Variants in LRP2 observed in about 807,000 individuals in gnomAD.
LRP2 encodes the protein low-density lipoprotein receptor-related protein 2.
A neutral mutation model predicts 531.0 loss-of-function variants in LRP2; 172 were observed. The observed-to-expected ratio is 0.32, with a 90% CI of 0.29 to 0.37. The LOEUF is 0.37. LRP2 is among the 10% of genes least tolerant of loss of function. LRP2 has a pLI of 1.00. For missense variants in LRP2, 5,167 were observed against 5,868.3 expected, an observed-to-expected ratio of 0.88 and a Z score of 3.90; for synonymous variants, 1,992 against 2,027.6, an observed-to-expected ratio of 0.98 and a Z score of 0.47.
At chr2:169,294,483 A>G in intron 5 of LRP2, 117 bp downstream of exon 5, 3 of 846,814 alleles carry the variant, frequency 3.5e-6, no homozygotes, top group Non-Finnish European at 6.0e-6. Flanking sequence ...GCTGACTTCA[A>G]ACTACCAACA....
chr2:169,209,771 C>T (rs1225735543), intron 37 of LRP2, 130 bp from the exon 38 acceptor site: 2 of 908,162 alleles, frequency 2.2e-6, no homozygotes, highest in East Asian at 2.6e-5. Context: ...AAATGAAACC[C>T]TTTTTTCCCA....
chr2:169,128,759 C>T lies in LRP2; in HGVS notation c.13872G>A (p.Lys4624=). ...PPSPSLPAKP[K]PPSRRDPTPT... ...GAGTTGGGTCTCTTCTCGAAGGAGG[C>T]TTAGGCTTAGCAGGGAGCGAAGGTG... The change falls in exon 79 of 79, where the codon AAG becomes AAA. Residue 4624 remains lysine, a synonymous_variant. Coordinates refer to ENST00000649046, the MANE Select transcript of LRP2 (RefSeq NM_004525.3). 6.2e-7 allele frequency: 1 copy of T among 1,614,068 alleles called. No homozygotes were observed. The highest frequency in any genetic ancestry group is 8.5e-7 in the Non-Finnish European group (1 of 1,179,996).
intron 44 of LRP2, among the ~76,000 whole-genome samples, chr2:169,200,409 C>G (rs1182238360): frequency 6.6e-6 from 1 of 152,106 alleles, no homozygotes; most frequent in Admixed American, 6.6e-5. Flanking sequence ...GGATAAGTGG[C>G]TAATTCCAGG....
chr2:169,321,749 C>G (rs1001218865), intron 1 of LRP2, among the ~76,000 whole-genome samples: 2 of 151,886 alleles, frequency 1.3e-5, no homozygotes, highest in Non-Finnish European at 2.9e-5. Flanking sequence ...AAAAACAAAA[C>G]AAAACAAAAT....
chr2:169,207,364 T>C (rs1688434563), intron 38 of LRP2, 114 bp from the exon 39 acceptor site: 5 of 761,740 alleles, frequency 6.6e-6, no homozygotes, highest in Middle Eastern at 3.6e-4. Flanking sequence ...TCACTATATG[T>C]TGTCTTTTCC....
Position 169,231,847 on chromosome 2 carries a change from A to G in LRP2, c.5099-5T>C, listed in dbSNP as rs886055086. On this transcript the variant is annotated splice_region_variant and splice_polypyrimidine_tract_variant and intron_variant, in intron 30 of 78. Coordinates refer to ENST00000649046, the MANE Select transcript of LRP2 (RefSeq NM_004525.3). Reference sequence around the variant, plus strand: ...AAAAGGCACATGGATTCACGGCTGCATGAGAAAGAGAAGAAAGCACCAGTA... The same window carrying G: ...AAAAGGCACATGGATTCACGGCTGCGTGAGAAAGAGAAGAAAGCACCAGTA... 2 of 1,613,960 alleles carry G rather than the reference A, an allele frequency of 1.2e-6. No homozygotes were observed. The highest frequency in any genetic ancestry group is 1.7e-6 in the Non-Finnish European group (2 of 1,179,872).
At chr2:169,343,895 T>C (rs1032135967) in intron 1 of LRP2, among the ~76,000 whole-genome samples, 7 of 152,210 alleles carry the variant, frequency 4.6e-5, no homozygotes, top group Non-Finnish European at 8.8e-5. Context: ...AAGGAAGCCA[T>C]AGAAATTTTC....
intron 70 of LRP2, 135 bp from the exon 71 acceptor site, chr2:169,142,928 G>A (rs1250320573): frequency 2.2e-6 from 2 of 920,926 alleles, no homozygotes; most frequent in Non-Finnish European, 3.5e-6. Flanking sequence ...CGTGTCAGCT[G>A]GCCACTCACC....
At chr2:169,330,952 T>C (rs559131713) in intron 1 of LRP2, among the ~76,000 whole-genome samples, 8 of 152,190 alleles carry the variant, frequency 5.3e-5, no homozygotes, top group South Asian at 2.1e-4. Flanking sequence ...GCACCTAGGA[T>C]TGGGCAATCT....
chr2:169,362,429 CT>C lies in LRP2; in HGVS notation c.-31del. On this transcript the variant is annotated 5_prime_UTR_variant, in exon 1 of 79. Coordinates refer to ENST00000649046, the MANE Select transcript of LRP2 (RefSeq NM_004525.3). The stretch of plus-strand genomic sequence containing the variant: ...GCGACGGTCCCCGGCCTCGCCGTTC[CT>C]TCCCCGGGAGGTGGGCGCGCGTAGC... The C allele has an allele frequency of 2.6e-6, 4 of 1,541,456 alleles. No individual in the cohort carries two copies. The highest frequency in any genetic ancestry group is 3.5e-6 in the Non-Finnish European group (4 of 1,144,478).
chr2:169,308,938 C>T (rs894369815), intron 3 of LRP2, among the ~76,000 whole-genome samples: 1 of 152,110 alleles, frequency 6.6e-6, no homozygotes, highest in Non-Finnish European at 1.5e-5. Flanking sequence ...GATGATATCT[C>T]ATTGTGGTTT....
At chr2:169,271,268 C>A (rs1343358620) in intron 15 of LRP2, among the ~76,000 whole-genome samples, 161 bp from the exon 16 acceptor site, 1 of 151,628 alleles carries the variant, frequency 6.6e-6, no homozygotes, top group Non-Finnish European at 1.5e-5. Flanking sequence ...AGAAATAATA[C>A]AGGGAAGAAA....
At chr2:169,307,190 T>C in intron 4 of LRP2, 91 bp downstream of exon 4, 1 of 876,266 alleles carries the variant, frequency 1.1e-6, no homozygotes, top group East Asian at 2.4e-5. Context: ...TTGTAGGCAT[T>C]TATGTCCATC....
At chr2:169,227,831 A>G (rs1047887648) in intron 31 of LRP2, among the ~76,000 whole-genome samples, 4 of 152,332 alleles carry the variant, frequency 2.6e-5, no homozygotes, top group Non-Finnish European at 5.9e-5. Flanking sequence ...ACATTTTTCA[A>G]GTACTACAAT....
chr2:169,242,935 T>A lies in LRP2; in HGVS notation c.3667+21A>T. 4.5e-6 allele frequency: 7 copies of A among 1,546,190 alleles called. 1 individual carries two copies. In the East Asian group the frequency reaches 1.3e-4, roughly 30 times the overall value. ...TGAAATGACCCCTTTGTCTGAAACA[T>A]TCTGGGTATGTGTTACTTACGACAG... On this transcript the variant is annotated intron_variant, in intron 24 of 78. Coordinates refer to ENST00000649046, the MANE Select transcript of LRP2 (RefSeq NM_004525.3).
intron 8 of LRP2, among the ~76,000 whole-genome samples, 184 bp downstream of exon 8, chr2:169,290,661 C>A (rs1683975962): frequency 6.6e-6 from 1 of 152,112 alleles, no homozygotes; most frequent in Non-Finnish European, 1.5e-5. Context: ...CTGATACAGG[C>A]CAGAGGAACT....
rs1164378894 is a variant in LRP2 at position 169,137,468 on chromosome 2, C to T, written c.13544G>A (p.Gly4515Glu). ...AMSEDFVMEM[G>E]KQPIIFENPM... ...GTTTTCAAATATTATGGGCTGCTTC[C>T]CCATTTCCATGACAAAGTCTTCACT... The change falls in exon 76 of 79, where the codon GGG (glycine) becomes GAG (glutamate). Residue 4515 changes from glycine (G) to glutamate (E), a missense_variant. Around this residue, in one of 6 missense-constraint regions of LRP2, gnomAD observed 348 missense variants for 369.3 expected, o/e 0.94. Coordinates refer to ENST00000649046, the MANE Select transcript of LRP2 (RefSeq NM_004525.3). 1 of 1,613,056 alleles carries T rather than the reference C, an allele frequency of 6.2e-7. No individual in the cohort carries two copies. The highest frequency in any genetic ancestry group is 8.5e-7 in the Non-Finnish European group (1 of 1,179,180).
chr2:169,171,999 G>A lies in LRP2; in HGVS notation c.11263+16C>T. On this transcript the variant is annotated intron_variant, in intron 58 of 78. Transcript: ENST00000649046. ...CTCTGGTGGTATATAAGGACCATAG[G>A]ACTGTGAACACTCACCACAGTTTTC... 3.7e-6 allele frequency: 6 copies of A among 1,613,858 alleles called. No individual in the cohort carries two copies. The East Asian group carries it at 1.3e-4, about 36-fold the overall frequency.
chr2:169,327,568 C>G (rs529229103), intron 1 of LRP2, among the ~76,000 whole-genome samples: 123 of 127,826 alleles, frequency 9.6e-4, no homozygotes, highest in African/African-American at 3.4e-3. Context: ...GCCGCCCCAT[C>G]CGGGAGGTGA....
Sources: gnomAD v4.1 joint callset for allele counts (sites outside exome capture counted in the v4.1 genomes callset) on GRCh38, gnomAD v4.1.1 for gene constraint, gnomAD v4.1.1 regional missense constraint, MANE v1.5 for transcripts, NCBI Gene and HGNC (gene_info 2026-07-23, HGNC 2026-07-21) for gene names.